The following LIMS1 variants were observed in gnomAD, a reference collection of about 807,000 sequenced individuals.
LIMS1 encodes the protein LIM and senescent cell antigen-like-containing domain protein 1.
In LIMS1, 18 loss-of-function variants were observed where a neutral mutation model predicts 44.1. The ratio of observed to expected loss-of-function variants is 0.41; its 90% confidence interval spans 0.28 to 0.61. The LOEUF is 0.61. Among genes scored for constraint, LIMS1 ranks in the 20% least tolerant of loss-of-function variants. LIMS1 has a pLI of 0.32. For missense variants in LIMS1, 201 were observed against 422.0 expected (o/e 0.48, Z 4.59); for synonymous variants, 93 against 149.1 (o/e 0.62, Z 2.74).
rs377154704 is a variant in LIMS1 at position 108,613,921 on chromosome 2, C to G, written c.33-45684C>G. On this transcript the variant is annotated intron_variant, in intron 1 of 9. Transcript: ENST00000544547. ...CTGCTGTCAGCATCCACTCTGCACCCTACTTTCTACTACTTGACATGTTTT... is the reference window on the plus strand; with the variant it reads ...CTGCTGTCAGCATCCACTCTGCACCGTACTTTCTACTACTTGACATGTTTT... Among the ~76,000 whole-genome samples the G allele has an allele frequency of 8.2e-4, 124 of 152,086 alleles. 1 individual carries two copies. The highest frequency in any genetic ancestry group is 3.9e-3 in the East Asian group (20 of 5,102).
At chr2:108,671,437 A>T (rs1361370899) in intron 3 of LIMS1, among the ~76,000 whole-genome samples, 1 of 152,178 alleles carries the variant, frequency 6.6e-6, no homozygotes, top group Non-Finnish European at 1.5e-5. Flanking sequence ...TGTTAACACA[A>T]CCTTTACCAA....
intron 1 of LIMS1, among the ~76,000 whole-genome samples, chr2:108,643,594 T>G (rs1175804699): frequency 6.6e-6 from 1 of 151,684 alleles, no homozygotes; most frequent in African/African-American, 2.4e-5. Flanking sequence ...GCCAGTTTTT[T>G]TTTTCATACC....
chr2:108,621,747 T>C (rs551189204), intron 1 of LIMS1, among the ~76,000 whole-genome samples: 2 of 152,362 alleles, frequency 1.3e-5, no homozygotes, highest in South Asian at 4.1e-4. Context: ...AGAAATATTT[T>C]AAATTGAAAA....
intron 1 of LIMS1, among the ~76,000 whole-genome samples, chr2:108,573,790 T>A (rs1286125755): frequency 6.6e-6 from 1 of 152,126 alleles, no homozygotes; most frequent in Non-Finnish European, 1.5e-5. Context: ...TAGGGGACAG[T>A]AGGCAACGAT....
rs766031513 is a variant in LIMS1, at chr2:108,569,001, C to T, written c.32+34407C>T. The stretch of plus-strand genomic sequence containing the variant: ...CCGCCTCCCAGGTTCCAGCGATTCT[C>T]CTGCCTCAGCCTCCCGGGAAGCTGA... On this transcript the variant is annotated intron_variant, in intron 1 of 9. Transcript: ENST00000544547. Among the ~76,000 whole-genome samples, 24 of 152,218 alleles carry T rather than the reference C, an allele frequency of 1.6e-4. No homozygotes were observed. In the South Asian group the frequency reaches 1.9e-3, roughly 12 times the overall value.
intron 2 of LIMS1, among the ~76,000 whole-genome samples, chr2:108,661,714 G>T (rs149494170): frequency 0.012 from 1,827 of 152,244 alleles, 44 homozygotes; most frequent in African/African-American, 0.043. Context: ...ACTCAATTCA[G>T]TTAAAGGGAC....
At chr2:108,663,844 T>C (rs1233431818) in intron 2 of LIMS1, among the ~76,000 whole-genome samples, 1 of 152,130 alleles carries the variant, frequency 6.6e-6, no homozygotes, top group Non-Finnish European at 1.5e-5. Context: ...AACCTCCACC[T>C]TGCGGCCTCG....
At chr2:108,600,210 C>T (rs1308606897) in intron 1 of LIMS1, among the ~76,000 whole-genome samples, 6 of 150,786 alleles carry the variant, frequency 4.0e-5, no homozygotes, top group African/African-American at 7.3e-5. Flanking sequence ...CCACCACGCC[C>T]GGCTGATTTT....
intron 5 of LIMS1, chr2:108,673,372 C>T (rs113206380): frequency 3.5e-5 from 12 of 345,090 alleles, no homozygotes; most frequent in East Asian, 2.9e-4. Context: ...TATGGAACCA[C>T]GATACTTTTT....
chr2:108,600,751 C>T (rs1686963479), intron 1 of LIMS1, among the ~76,000 whole-genome samples: 2 of 152,212 alleles, frequency 1.3e-5, no homozygotes, highest in East Asian at 1.9e-4. Flanking sequence ...TATGCCAATA[C>T]CATGCTGTTT....
At chr2:108,578,587 A>ATTTTTTTTTTTTTTTTTTTTTTTTTT (rs575139291) in intron 1 of LIMS1, among the ~76,000 whole-genome samples, 1 of 100,792 alleles carries the variant, frequency 9.9e-6, no homozygotes, top group Non-Finnish European at 2.0e-5. Flanking sequence ...AATGTAAATA[A>ATTTTTTTTTTTTTTTTTTTTTTTTTT]TTTTTTTTTT....
intron 1 of LIMS1, among the ~76,000 whole-genome samples, chr2:108,620,421 G>A (rs889953830): frequency 6.6e-6 from 1 of 152,180 alleles, no homozygotes; most frequent in Non-Finnish European, 1.5e-5. Context: ...TGTGTTCCCA[G>A]TGGGACTGAA....
rs1686747181 is a variant in LIMS1 at position 108,597,121 on chromosome 2, C to T, written c.33-62484C>T. Among the ~76,000 whole-genome samples the T allele has an allele frequency of 5.9e-5, 9 of 151,718 alleles. No individual in the cohort carries two copies. In the South Asian group the frequency reaches 1.9e-3, roughly 32 times the overall value. ...GTGGAGTTTCCCCTTGTTGGCCAGG[C>T]TGATCTCGAACTCCTGACCTCAGGT... On this transcript the variant is annotated intron_variant, in intron 1 of 9. Transcript: ENST00000544547.
chr2:108,640,724 A>G (rs549339369), intron 1 of LIMS1, among the ~76,000 whole-genome samples: 22 of 152,274 alleles, frequency 1.4e-4, no homozygotes, highest in Non-Finnish European at 2.9e-4. Flanking sequence ...CATGTAATGC[A>G]TAAGGATCAA....
At chr2:108,591,460 T>TA (rs921601679) in intron 1 of LIMS1, among the ~76,000 whole-genome samples, 6 of 151,594 alleles carry the variant, frequency 4.0e-5, no homozygotes, top group Middle Eastern at 3.2e-3. Flanking sequence ...AAACTTTTTT[T>TA]AAAAAAAAAT....
intron 1 of LIMS1, among the ~76,000 whole-genome samples, chr2:108,642,342 G>GT (rs764932432): frequency 0.11 from 1,616 of 14,792 alleles, 59 homozygotes; most frequent in African/African-American, 0.2. Flanking sequence ...AGTGTTTTTT[G>GT]TTTTTTTTTT....
intron 1 of LIMS1, among the ~76,000 whole-genome samples, chr2:108,618,336 A>G (rs1304968270): frequency 6.6e-6 from 1 of 152,214 alleles, no homozygotes; most frequent in Non-Finnish European, 1.5e-5. Flanking sequence ...AGGCATAATT[A>G]ATAATTCCAT....
intron 1 of LIMS1, among the ~76,000 whole-genome samples, chr2:108,614,864 T>C (rs1383413138): frequency 1.3e-5 from 2 of 152,264 alleles, no homozygotes; most frequent in East Asian, 3.9e-4. Flanking sequence ...GGGCAGGAAT[T>C]GTGGTTTATT....
intron 1 of LIMS1, among the ~76,000 whole-genome samples, chr2:108,598,737 C>T (rs1248898942): frequency 6.6e-6 from 1 of 152,108 alleles, no homozygotes; most frequent in East Asian, 1.9e-4. Flanking sequence ...TAAACGTAGC[C>T]CTGGTCTTTC....
Sources: gnomAD v4.1 joint callset for allele counts (sites outside exome capture counted in the v4.1 genomes callset) on GRCh38, gnomAD v4.1.1 for gene constraint, MANE v1.5 for transcripts, NCBI Gene and HGNC (gene_info 2026-07-23, HGNC 2026-07-21) for gene names.